Variants in MED12L observed in about 807,000 individuals in gnomAD.
The protein encoded by MED12L is mediator complex subunit 12L.
MED12L carries 60 observed loss-of-function variants against 281.3 expected under a neutral mutation model. The ratio of observed to expected loss-of-function variants is 0.21; its 90% CI spans 0.17 to 0.26. The LOEUF (loss-of-function observed/expected upper bound fraction) is 0.26. MED12L is among the 10% of genes least tolerant of loss of function. MED12L has a pLI of 1.00. For missense variants in MED12L, 2,146 were observed against 2,680.9 expected, an observed-to-expected ratio of 0.80 and a Z score of 4.41; for synonymous variants, 974 against 987.2, an observed-to-expected ratio of 0.99 and a Z score of 0.25.
In MED12L at chr3:151,159,221, C is replaced by T. The variant is rs566523371; in HGVS notation, c.837+422C>T. ...GAAACTTTTTATTTTGATGATTGGT[C>T]TAAGATGTGCTTAAATTTGATGTAT... On this transcript the variant is annotated intron_variant, in intron 7 of 44. Transcript: ENST00000687756. 2.6e-5 allele frequency among the ~76,000 whole-genome samples: 4 copies of T among 152,272 alleles called. No homozygotes were observed. The South Asian group carries it at 8.3e-4, about 32-fold the overall frequency.
intron 2 of MED12L, among the ~76,000 whole-genome samples, chr3:151,099,134 A>G (rs1031479563): frequency 6.6e-6 from 1 of 152,234 alleles, no homozygotes; most frequent in African/African-American, 2.4e-5. Context: ...CTACAATTCA[A>G]GATGAGATTT....
At chr3:151,271,357 A>G (rs1740908526) in intron 16 of MED12L, among the ~76,000 whole-genome samples, 1 of 152,228 alleles carries the variant, frequency 6.6e-6, no homozygotes, top group African/African-American at 2.4e-5. Flanking sequence ...TGACAATGTT[A>G]AGAATTGACG....
chr3:151,424,215 GAA>G (rs969729004), intron 43 of MED12L, among the ~76,000 whole-genome samples: 41 of 152,298 alleles, frequency 2.7e-4, no homozygotes, highest in African/African-American at 9.6e-4. Context: ...GGAAGGAAAA[GAA>G]GAAGTAATAT....
chr3:151,299,318 G>GTCTT (rs962422307), intron 16 of MED12L, among the ~76,000 whole-genome samples: 1 of 147,698 alleles, frequency 6.8e-6, no homozygotes. Flanking sequence ...GCCTAGGTCG[G>GTCTT]TCTTTCTTTC....
chr3:151,139,567 C>G (rs1716632899), intron 5 of MED12L, among the ~76,000 whole-genome samples: 1 of 152,204 alleles, frequency 6.6e-6, no homozygotes, highest in African/African-American at 2.4e-5. Flanking sequence ...AGTTTTCCTT[C>G]ATAGTATTAA....
chr3:151,180,621 T>C (rs1722595304), intron 11 of MED12L, among the ~76,000 whole-genome samples: 1 of 152,246 alleles, frequency 6.6e-6, no homozygotes, highest in African/African-American at 2.4e-5. Flanking sequence ...CATCTGGATG[T>C]GTTCAAAAGA....
rs758442743 is a variant in MED12L at position 151,377,181 on chromosome 3, A to AT, written c.4316+8dup. 11 of 1,601,644 alleles carry AT rather than the reference A, an allele frequency of 6.9e-6. No individual in the cohort carries two copies. Among genetic ancestry groups the AT allele is most frequent in the Non-Finnish European group, 9.4e-6 (11 of 1,175,230 alleles). On this transcript the variant is annotated splice_donor_region_variant and intron_variant, in intron 30 of 44. Coordinates refer to ENST00000687756, the MANE Select transcript of MED12L (RefSeq NM_001393769.1). ...AATGGAATAAAGACATTCCTAAGGT[A>AT]TTTTTGTCTGTTGTTTTATTGAACT...
rs534920290 is a variant in MED12L, at chr3:151,337,586, A to G, written c.2251-12473A>G. 15 of 500,528 alleles carry G rather than the reference A, an allele frequency of 3.0e-5. No individual in the cohort carries two copies. The South Asian group carries it at 3.8e-4, about 13-fold the overall frequency. 31.0% of individuals were successfully genotyped at this position (500,528 alleles called of 1,614,324 possible). On this transcript the variant is annotated intron_variant, in intron 16 of 44. Coordinates refer to ENST00000687756, the MANE Select transcript of MED12L (RefSeq NM_001393769.1). ...GTTTTGCATGCAGCATGACAATTGGATGTCGTTTGTTTTGCTGCTAATACA... is the reference window on the plus strand; with the variant it reads ...GTTTTGCATGCAGCATGACAATTGGGTGTCGTTTGTTTTGCTGCTAATACA...
chr3:151,322,143 A>G (rs1749069099), intron 16 of MED12L, among the ~76,000 whole-genome samples: 1 of 152,200 alleles, frequency 6.6e-6, no homozygotes, highest in African/African-American at 2.4e-5. Context: ...ATGTTCATAG[A>G]AATCCCTGGG....
intron 43 of MED12L, among the ~76,000 whole-genome samples, chr3:151,423,197 T>TA (rs915325510): frequency 2.6e-5 from 4 of 151,678 alleles, no homozygotes; most frequent in African/African-American, 9.7e-5. Flanking sequence ...TTTTTTTTTT[T>TA]ATACTTTAAG....
Position 151,190,857 on chromosome 3 carries a change from T to G in MED12L, c.1894T>G (p.Ser632Ala). ...ISRGDLSVTA[S>A]TRPRSPVGEN... ...TCGAGGAGATTTGTCAGTCACTGCCTCAACTCGGCCGCGGTCACCAGTAGG... is the reference window on the plus strand; with the variant it reads ...TCGAGGAGATTTGTCAGTCACTGCCGCAACTCGGCCGCGGTCACCAGTAGG... Residue 632 changes from serine (S) to alanine (A), a missense_variant, in exon 14 of 45, where the codon TCA becomes GCA. Physicochemically the swap from Ser to Ala is moderately conservative, Grantham distance 99. Around this residue, in one of 9 missense-constraint regions of MED12L, gnomAD observed 722 missense variants for 861.2 expected, o/e 0.84. Coordinates refer to ENST00000687756, the MANE Select transcript of MED12L (RefSeq NM_001393769.1). 6.2e-7 allele frequency: 1 copy of G among 1,614,164 alleles called. No homozygotes were observed. Among genetic ancestry groups the G allele is most frequent in the Middle Eastern group, 1.6e-4 (1 of 6,062 alleles).
At chr3:151,404,238 GCTTT>G (rs1716031643) in intron 39 of MED12L, among the ~76,000 whole-genome samples, 1 of 151,990 alleles carries the variant, frequency 6.6e-6, no homozygotes, top group Non-Finnish European at 1.5e-5. Context: ...ATAATATTCT[GCTTT>G]CTTAGGAAGT....
At chr3:151,276,269 A>G (rs898823765) in intron 16 of MED12L, among the ~76,000 whole-genome samples, 1 of 152,216 alleles carries the variant, frequency 6.6e-6, no homozygotes, top group Admixed American at 6.5e-5. Flanking sequence ...CATGTCTGAC[A>G]AGCTCACTGG....
At chr3:151,116,238 A>G (rs1712795160) in intron 2 of MED12L, 100 bp from the exon 3 acceptor site, 1 of 755,572 alleles carries the variant, frequency 1.3e-6, no homozygotes, top group African/African-American at 1.7e-5. Context: ...GTTCTCCTCT[A>G]CAGAGTATAA....
chr3:151,277,889 A>C lies in MED12L; in HGVS notation c.2251-72170A>C, dbSNP rs548970573. ...TCTGTACACATATGCAATTGCAAAC[A>C]AAGACATACTGACCTAAGTATTATG... On this transcript the variant is annotated intron_variant, in intron 16 of 44. Transcript: ENST00000687756. Among the ~76,000 whole-genome samples, 23 of 152,396 alleles carry C rather than the reference A, an allele frequency of 1.5e-4. No individual in the cohort carries two copies. In the East Asian group the frequency reaches 4.4e-3, roughly 29 times the overall value.
intron 8 of MED12L, among the ~76,000 whole-genome samples, chr3:151,160,876 A>G (rs924656548): frequency 2.0e-5 from 3 of 152,204 alleles, no homozygotes; most frequent in African/African-American, 7.2e-5. Context: ...TGTGAAAGAA[A>G]TTTTTTAGTT....
chr3:151,386,172 C>G (rs924729741), intron 36 of MED12L, among the ~76,000 whole-genome samples: 3 of 152,078 alleles, frequency 2.0e-5, no homozygotes, highest in African/African-American at 7.2e-5. Context: ...TTTAGAGTAG[C>G]CTGAGAATCT....
intron 3 of MED12L, among the ~76,000 whole-genome samples, chr3:151,116,959 A>G (rs1016931983): frequency 3.3e-5 from 5 of 152,206 alleles, no homozygotes; most frequent in Non-Finnish European, 7.3e-5. Context: ...AAGGTCTACA[A>G]GGTGATAATT....
At chr3:151,347,784 T>C (rs1263010725) in intron 16 of MED12L, among the ~76,000 whole-genome samples, 1 of 152,130 alleles carries the variant, frequency 6.6e-6, no homozygotes, top group African/African-American at 2.4e-5. Context: ...TTATCCCAGG[T>C]TTTCTCACAA....
Sources: gnomAD v4.1 joint callset for allele counts (sites outside exome capture counted in the v4.1 genomes callset) on GRCh38, gnomAD v4.1.1 for gene constraint, gnomAD v4.1.1 regional missense constraint, MANE v1.5 for transcripts, NCBI Gene and HGNC (gene_info 2026-07-23, HGNC 2026-07-21) for gene names.